The following DACH2 variants were observed in gnomAD, a reference collection of about 807,000 sequenced individuals.
DACH2 encodes the protein dachshund homolog 2.
Under a neutral mutation model 35.8 loss-of-function variants are expected in DACH2, and 17 were observed. The observed-to-expected ratio is 0.48, with a 90% CI of 0.33 to 0.71. The LOEUF is 0.71. Ranked by LOEUF, DACH2 falls within the 30% of genes least tolerant of loss-of-function variation. DACH2 has a pLI of 0.02. For synonymous variants in DACH2, 195 were observed against 177.3 expected (o/e 1.10, Z -0.79); for missense variants, 469 against 472.7 (o/e 0.99, Z 0.07).
intron 1 of DACH2, among the ~76,000 whole-genome samples, chrX:86,356,739 T>A (rs2035649253): frequency 9.0e-6 from 1 of 111,668 alleles, no homozygotes; most frequent in South Asian, 3.7e-4. Context: ...AATTAAAAAA[T>A]GCTAGATCTT....
intron 5 of DACH2, among the ~76,000 whole-genome samples, chrX:86,704,958 A>T (rs2041194528): frequency 9.2e-6 from 1 of 108,925 alleles, no homozygotes; most frequent in African/African-American, 3.3e-5. Context: ...TTATAGCAGC[A>T]CAATTCACAA....
intron 3 of DACH2, among the ~76,000 whole-genome samples, chrX:86,638,564 A>T (rs892005447): frequency 2.7e-5 from 3 of 111,520 alleles, no homozygotes; most frequent in Non-Finnish European, 5.6e-5. Context: ...TCAACAACAA[A>T]TAAAAAAAAG....
At chrX:86,796,012 C>T (rs921690595) in intron 7 of DACH2, among the ~76,000 whole-genome samples, 1 of 111,760 alleles carries the variant, frequency 8.9e-6, no homozygotes, top group African/African-American at 3.2e-5. Context: ...GCTGCCACAG[C>T]GTGGAGGGGG....
chrX:86,431,426 T>G (rs2036983157), intron 2 of DACH2, among the ~76,000 whole-genome samples: 2 of 111,914 alleles, frequency 1.8e-5, no homozygotes, highest in Admixed American at 1.9e-4. Context: ...ACCACAAAAT[T>G]TGTCATAATA....
chrX:86,640,264 T>A (rs1239964299), intron 3 of DACH2, among the ~76,000 whole-genome samples: 4 of 110,716 alleles, frequency 3.6e-5, no homozygotes, highest in African/African-American at 9.9e-5. Context: ...ACTGAAAACC[T>A]CTCTGCCACT....
chrX:86,433,125 G>T (rs1440002036), intron 2 of DACH2, among the ~76,000 whole-genome samples: 2 of 111,821 alleles, frequency 1.8e-5, no homozygotes, highest in Non-Finnish European at 3.8e-5. Flanking sequence ...AATAATTAAA[G>T]AGTTTAGTTT....
chrX:86,162,095 G>GT (rs1437237965), intron 1 of DACH2, among the ~76,000 whole-genome samples: 6 of 109,231 alleles, frequency 5.5e-5, no homozygotes, highest in East Asian at 2.9e-4. Flanking sequence ...TTTTATTTTT[G>GT]TTTTTTTGTT....
intron 7 of DACH2, among the ~76,000 whole-genome samples, chrX:86,792,984 C>T (rs2042201166): frequency 1.8e-5 from 2 of 111,598 alleles, no homozygotes; most frequent in South Asian, 7.4e-4. Context: ...AATTTACATT[C>T]CTACCAACTT....
intron 2 of DACH2, among the ~76,000 whole-genome samples, chrX:86,505,066 AGTGT>A (rs751687004): frequency 1.8e-5 from 2 of 111,996 alleles, no homozygotes; most frequent in African/African-American, 6.5e-5. Context: ...GTGCAAATTA[AGTGT>A]GTGTTATAGA....
chrX:86,254,800 A>G (rs1351971987), intron 1 of DACH2, among the ~76,000 whole-genome samples: 1 of 72,983 alleles, frequency 1.4e-5, no homozygotes, highest in African/African-American at 5.8e-5. Context: ...ATATATATAT[A>G]TATATATAGA....
At chrX:86,302,535 C>T (rs2034593958) in intron 1 of DACH2, among the ~76,000 whole-genome samples, 1 of 111,196 alleles carries the variant, frequency 9.0e-6, no homozygotes. Flanking sequence ...CACTTAGAAA[C>T]TTCTGGGTGT....
intron 4 of DACH2, among the ~76,000 whole-genome samples, chrX:86,683,554 T>C (rs2040907309): frequency 8.9e-6 from 1 of 111,950 alleles, no homozygotes; most frequent in Non-Finnish European, 1.9e-5. Context: ...ATTAATGTGG[T>C]TAACTGCAAA....
intron 1 of DACH2, among the ~76,000 whole-genome samples, chrX:86,321,212 A>T (rs2035010250): frequency 9.0e-6 from 1 of 111,373 alleles, no homozygotes; most frequent in Admixed American, 9.5e-5. Context: ...CAACCAAACT[A>T]ATATTGTTAT....
intron 1 of DACH2, among the ~76,000 whole-genome samples, chrX:86,173,937 T>C (rs1368194659): frequency 1.8e-5 from 2 of 110,048 alleles, no homozygotes; most frequent in Non-Finnish European, 3.8e-5. Context: ...CTGGATAGGT[T>C]TTGAAGGTAG....
In DACH2 at chrX:86,781,454, G is replaced by T. The variant is rs780915490; in HGVS notation, c.1241-31402G>T. Among the ~76,000 whole-genome samples the T allele has an allele frequency of 1.5e-3, 165 of 111,540 alleles. 1 individual carries two copies. The highest frequency in any genetic ancestry group is 2.8e-3 in the Non-Finnish European group (148 of 53,117). ...AAGTAGTGAATCAGGAGTGTCAAATGCATTTATTTTGCATAACTTTCTAAA... is the reference window on the plus strand; with the variant it reads ...AAGTAGTGAATCAGGAGTGTCAAATTCATTTATTTTGCATAACTTTCTAAA... On this transcript the variant is annotated intron_variant, in intron 7 of 11. Coordinates refer to ENST00000373125, the MANE Select transcript of DACH2 (RefSeq NM_053281.3).
chrX:86,728,063 G>A (rs1176891323), intron 6 of DACH2, among the ~76,000 whole-genome samples: 1 of 112,147 alleles, frequency 8.9e-6, no homozygotes, highest in Non-Finnish European at 1.9e-5. Context: ...AAATGGTAGT[G>A]ACCAAAATGC....
At chrX:86,563,144 GA>G (rs2039247600) in intron 3 of DACH2, among the ~76,000 whole-genome samples, 1 of 95,128 alleles carries the variant, frequency 1.1e-5, no homozygotes, top group Non-Finnish European at 2.1e-5. Flanking sequence ...TTTTTTTCCT[GA>G]AATAGACAAC....
intron 4 of DACH2, among the ~76,000 whole-genome samples, chrX:86,683,627 T>A (rs2040908083): frequency 8.9e-6 from 1 of 111,866 alleles, no homozygotes; most frequent in South Asian, 3.7e-4. Flanking sequence ...GTGGTCTTCA[T>A]CATCTTTTGT....
At chrX:86,713,697 T>C (rs1279261563) in intron 5 of DACH2, among the ~76,000 whole-genome samples, 1 of 111,639 alleles carries the variant, frequency 9.0e-6, no homozygotes, top group African/African-American at 3.3e-5. Context: ...TAAATTTTAG[T>C]AGACTCTGCT....
Sources: allele counts gnomAD v4.1 joint callset (sites outside exome capture counted in the v4.1 genomes callset), GRCh38; gene constraint gnomAD v4.1.1; transcripts MANE v1.5; gene names NCBI Gene and HGNC (gene_info 2026-07-23, HGNC 2026-07-21).